The following RASSF7 variants were observed in gnomAD, a reference collection of about 807,000 sequenced individuals.
The protein encoded by RASSF7 is ras association domain-containing protein 7.
RASSF7 carries 41 observed loss-of-function variants against 33.8 expected under a neutral mutation model. That is an observed-to-expected ratio of 1.21 (90% CI 0.95 to 1.57). The LOEUF (loss-of-function observed/expected upper bound fraction) is 1.57, where lower values mean the gene tolerates loss of function less well. Ranked by LOEUF, RASSF7 falls within the 40% of genes most tolerant of loss-of-function variation. The pLI is 0.00. For missense variants in RASSF7, 622 were observed against 497.0 expected, an observed-to-expected ratio of 1.25 and a Z score of -2.39; for synonymous variants, 298 against 212.8, an observed-to-expected ratio of 1.40 and a Z score of -3.48.
chr11:563,355 C>T (rs767297754), intron 4 of RASSF7, 38 bp downstream of exon 4: 2 of 1,607,496 alleles, frequency 1.2e-6, no homozygotes, highest in Non-Finnish European at 1.7e-6. Flanking sequence ...GAGGTGAGGA[C>T]CTGGCCCAGC....
chr11:562,044 G>T, intron 2 of RASSF7, 35 bp from the exon 3 acceptor site: 1 of 1,503,122 alleles, frequency 6.7e-7, no homozygotes, highest in Non-Finnish European at 8.9e-7. Context: ...AGAGAGTCGG[G>T]GGGACATAGG....
rs1363650358 is a variant in RASSF7, at chr11:561,238, G to A, written c.-247G>A. 3.0e-6 allele frequency: 3 copies of A among 985,324 alleles called. No homozygotes were observed. Among genetic ancestry groups the A allele is most frequent in the Non-Finnish European group, 3.6e-6 (3 of 829,938 alleles). The allele number at this position is 985,324 out of a possible 1,614,324, so 61.0% of individuals were successfully genotyped here. The stretch of plus-strand genomic sequence containing the variant: ...CGCGGGCTTCGGTGCCCGCGGCGGG[G>A]ACCGGGACTTTCGGGGCGAGCGCAG... On this transcript the variant is annotated 5_prime_UTR_variant, in exon 1 of 6. Transcript: ENST00000397583.
chr11:561,676 G>A, intron 1 of RASSF7, 86 bp from the exon 2 acceptor site: 1 of 1,573,992 alleles, frequency 6.4e-7, no homozygotes, highest in Non-Finnish European at 8.6e-7. Flanking sequence ...GCCGTTTCTA[G>A]GGCAGGCCAA....
chr11:561,961 T>C, intron 2 of RASSF7, 69 bp downstream of exon 2: 1 of 1,599,608 alleles, frequency 6.3e-7, no homozygotes, highest in Non-Finnish European at 8.5e-7. Flanking sequence ...TCCAGCTCCA[T>C]GGTCTCCCCC....
In RASSF7 at chr11:563,777, T is replaced by A; in HGVS notation, c.*132T>A. 1 of 851,366 alleles carries A rather than the reference T, an allele frequency of 1.2e-6. No individual in the cohort carries two copies. The highest frequency in any genetic ancestry group is 1.8e-6 in the Non-Finnish European group (1 of 558,906). The allele number at this position is 851,366 out of a possible 1,614,324, so 52.7% of individuals were successfully genotyped here. A position where few individuals can be genotyped will look rare whatever the true frequency, so the allele number is the denominator to read the frequency against. On this transcript the variant is annotated 3_prime_UTR_variant, in exon 6 of 6. Transcript: ENST00000397583. Reference sequence around the variant, plus strand: ...AGGAGCTGGGGGTGCAGTGGGGGACTGCCCTAGTCCTTGCCAGGTCGCCAG... The same window carrying A: ...AGGAGCTGGGGGTGCAGTGGGGGACAGCCCTAGTCCTTGCCAGGTCGCCAG...
chr11:561,142 G>T lies in RASSF7; in HGVS notation c.-343G>T. ...TTCCGCGATGCCCGGACGGAGAGCG[G>T]GGGCGGCGCCGCACCTGCGCCCGCC... On this transcript the variant is annotated 5_prime_UTR_variant, in exon 1 of 6. Transcript: ENST00000397583. 1 of 984,988 alleles carries T rather than the reference G, an allele frequency of 1.0e-6. No homozygotes were observed. 61.0% of individuals were successfully genotyped at this position (984,988 alleles called of 1,614,324 possible). A position where few individuals can be genotyped will look rare whatever the true frequency, so the allele number is the denominator to read the frequency against.
chr11:562,041 CG>C (rs1401160363), intron 2 of RASSF7, 37 bp from the exon 3 acceptor site: 1 of 1,502,746 alleles, frequency 6.7e-7, no homozygotes, highest in Admixed American at 2.2e-5. Context: ...GACAGAGAGT[CG>C]GGGGGACATA....
Position 563,472 on chromosome 11 carries a change from C to A in RASSF7, c.1028C>A (p.Pro343His). The stretch of plus-strand genomic sequence containing the variant: ...TCCCATGCTGGTGCCCAGCCTAGGC[C>A]CCGAGGGTATGTCTGTGCCCCACCT... The part of the protein sequence containing the change: ...SESHAGAQPR[P>H]RGGPHDAELL... Residue 343 changes from proline (P) to histidine (H), a missense_variant, in exon 5 of 6, where the codon CCC (proline) becomes CAC (histidine). Coordinates refer to ENST00000397583, the MANE Select transcript of RASSF7 (RefSeq NM_003475.4). The A allele has an allele frequency of 6.2e-7, 1 of 1,610,620 alleles. No individual in the cohort carries two copies. Among genetic ancestry groups the A allele is most frequent in the Non-Finnish European group, 8.5e-7 (1 of 1,179,264 alleles).
chr11:562,017 C>T (rs1478555473), intron 2 of RASSF7, 62 bp from the exon 3 acceptor site: 56 of 1,517,760 alleles, frequency 3.7e-5, no homozygotes, highest in Non-Finnish European at 4.5e-5. Flanking sequence ...CTTCCCAACT[C>T]TTCAAGCCAG....
rs774013218 is a variant in RASSF7 at position 563,266 on chromosome 11, GGCTGC to G, written c.906_910del (p.Leu303ThrfsTer6). On this transcript the variant is annotated frameshift_variant, in exon 4 of 6. Coordinates refer to ENST00000397583, the MANE Select transcript of RASSF7 (RefSeq NM_003475.4). LOFTEE classifies it high-confidence loss of function. ...TGCAGCAGTTCATCCAGCAGACCGG[GGCTGC>G]GCTGCCACCGCCCCCACGGCCTGAC... The G allele has an allele frequency of 2.5e-6, 4 of 1,611,672 alleles. No individual in the cohort carries two copies. The Admixed American group carries it at 6.7e-5, about 27-fold the overall frequency.
At position 562,352 on chromosome 11, in the gene RASSF7, C is replaced by T. The variant is rs757505282; in HGVS notation, c.398C>T (p.Ala133Val). The change falls in exon 3 of 6, where the codon GCC becomes GTC. Residue 133 changes from alanine (A) to valine (V), a missense_variant. Ala to Val is a moderately conservative substitution (Grantham distance 64). Coordinates refer to ENST00000397583, the MANE Select transcript of RASSF7 (RefSeq NM_003475.4). ...CGCAAAACACTGACCCCCGAGCCAGCCCCCAGCCTCTCACGCCCTGGGCCT... is the reference window on the plus strand; with the variant it reads ...CGCAAAACACTGACCCCCGAGCCAGTCCCCAGCCTCTCACGCCCTGGGCCT... ...EPRKTLTPEP[A>V]PSLSRPGPAA... The T allele has an allele frequency of 8.1e-6, 13 of 1,602,960 alleles. No individual in the cohort carries two copies. The highest frequency in any genetic ancestry group is 1.1e-5 in the Non-Finnish European group (13 of 1,175,716).
In RASSF7 at chr11:562,304, G is replaced by A. The variant is rs781399750; in HGVS notation, c.350G>A (p.Arg117Gln). 2.0e-5 allele frequency: 32 copies of A among 1,612,000 alleles called. No homozygotes were observed. Among genetic ancestry groups the A allele is most frequent in the African/African-American group, 4.0e-5 (3 of 74,912 alleles). Residue 117 changes from arginine to glutamine, a missense_variant, in exon 3 of 6, where the codon CGG (arginine) becomes CAG (glutamine). Coordinates refer to ENST00000397583, the MANE Select transcript of RASSF7 (RefSeq NM_003475.4). Reference sequence around the variant, plus strand: ...CGTGCCAGCCTCCCTGTAAAGCCACGGGCTGCGCTGGGCTGTGAGCCCCGC... The same window carrying A: ...CGTGCCAGCCTCCCTGTAAAGCCACAGGCTGCGCTGGGCTGTGAGCCCCGC... ...LIRASLPVKP[R>Q]AALGCEPRKT...
Position 560,971 on chromosome 11 carries a change from C to T in RASSF7, c.-514C>T, listed in dbSNP as rs1381736060. Reference sequence around the variant, plus strand: ...GGGGGCGCGGGGCCCGGGTGCGCCGCGGCGCTGGGGGCGGCAGGTTGCGGC... The same window carrying T: ...GGGGGCGCGGGGCCCGGGTGCGCCGTGGCGCTGGGGGCGGCAGGTTGCGGC... On this transcript the variant is annotated 5_prime_UTR_variant, in exon 1 of 6. Coordinates refer to ENST00000397583, the MANE Select transcript of RASSF7 (RefSeq NM_003475.4). The T allele has an allele frequency of 8.1e-6, 9 of 1,106,274 alleles. No individual in the cohort carries two copies. The highest frequency in any genetic ancestry group is 9.9e-6 in the Non-Finnish European group (9 of 908,328). 68.5% of individuals were successfully genotyped at this position (1,106,274 alleles called of 1,614,324 possible). A position where few individuals can be genotyped will look rare whatever the true frequency, so the allele number is the denominator to read the frequency against.
chr11:561,869 T>G lies in RASSF7; in HGVS notation c.101T>G (p.Val34Gly). Residue 34 changes from valine to glycine, a missense_variant, in exon 2 of 6, where the codon GTC (valine) becomes GGC (glycine). Val to Gly is a moderately radical substitution (Grantham distance 109). Transcript: ENST00000397583. ...VSEQTTCQEV[V>G]IALAQAIGQT... ...GAGCAGACCACCTGCCAGGAAGTGG[T>G]CATCGCACTAGCCCAAGCAATAGGT... 2 of 1,613,456 alleles carry G rather than the reference T, an allele frequency of 1.2e-6. No homozygotes were observed. Among genetic ancestry groups the G allele is most frequent in the Non-Finnish European group, 1.7e-6 (2 of 1,179,968 alleles).
Position 562,408 on chromosome 11 carries a change from T to G in RASSF7, c.454T>G (p.Cys152Gly). The G allele has an allele frequency of 6.4e-7, 1 of 1,562,036 alleles. No homozygotes were observed. The highest frequency in any genetic ancestry group is 1.4e-5 in the African/African-American group (1 of 73,514). The change falls in exon 3 of 6, where the codon TGC (cysteine) becomes GGC (glycine). Residue 152 changes from cysteine to glycine, a missense_variant. Physicochemically the swap from Cys to Gly is radical, Grantham distance 159 (BLOSUM62 -3). Transcript: ENST00000397583. ...AAPVTPTPGC[C>G]TDLRGLELRV... ...CCCTGTGACACCCACACCAGGCTGCTGCACAGACCTGCGGGGCCTGGAGCT... is the reference window on the plus strand; with the variant it reads ...CCCTGTGACACCCACACCAGGCTGCGGCACAGACCTGCGGGGCCTGGAGCT...
Position 563,999 on chromosome 11 carries a change from C to T in RASSF7, c.*354C>T, listed in dbSNP as rs184654498. 16 of 358,554 alleles carry T rather than the reference C, an allele frequency of 4.5e-5. No individual in the cohort carries two copies. In the East Asian group the frequency reaches 7.9e-4, roughly 18 times the overall value. 22.2% of individuals were successfully genotyped at this position (358,554 alleles called of 1,614,324 possible). A position where few individuals can be genotyped will look rare whatever the true frequency, so the allele number is the denominator to read the frequency against. ...ACTTCCCCTACCCCAACGTGAAAAC[C>T]TCAATAAACTGCCCGAAGCAGCTTG... On this transcript the variant is annotated 3_prime_UTR_variant, in exon 6 of 6. Transcript: ENST00000397583.
chr11:561,024 G>T lies in RASSF7; in HGVS notation c.-461G>T, dbSNP rs1237695760. On this transcript the variant is annotated 5_prime_UTR_variant, in exon 1 of 6. Coordinates refer to ENST00000397583, the MANE Select transcript of RASSF7 (RefSeq NM_003475.4). ...CGCCGGAGCGGGTCTCCAGGCTGGC[G>T]AGCGCCCAGGTGAGCCGCGCCGGGT... The T allele has an allele frequency of 2.0e-6, 2 of 1,009,470 alleles. No individual in the cohort carries two copies. Among genetic ancestry groups the T allele is most frequent in the African/African-American group, 3.4e-5 (2 of 58,004 alleles). The allele number at this position is 1,009,470 out of a possible 1,614,324, so 62.5% of individuals were successfully genotyped here.
chr11:561,457 G>A lies in RASSF7; in HGVS notation c.-28G>A. 4.1e-6 allele frequency: 5 copies of A among 1,220,168 alleles called. No individual in the cohort carries two copies. The highest frequency in any genetic ancestry group is 5.2e-6 in the Non-Finnish European group (5 of 970,326). The allele number at this position is 1,220,168 out of a possible 1,614,324, so 75.6% of individuals were successfully genotyped here. ...GGCGCCTCCGCGCCGCCCGGGGAGGGGGCAGTGTCCTCCGAGCCAGGTGAG... is the reference window on the plus strand; with the variant it reads ...GGCGCCTCCGCGCCGCCCGGGGAGGAGGCAGTGTCCTCCGAGCCAGGTGAG... On this transcript the variant is annotated 5_prime_UTR_variant, in exon 1 of 6. Coordinates refer to ENST00000397583, the MANE Select transcript of RASSF7 (RefSeq NM_003475.4).
chr11:563,707 A>T lies in RASSF7; in HGVS notation c.*62A>T. On this transcript the variant is annotated 3_prime_UTR_variant, in exon 6 of 6. Coordinates refer to ENST00000397583, the MANE Select transcript of RASSF7 (RefSeq NM_003475.4). ...CCACAGAAGGAGAGTTGGCGGTCAC[A>T]GAGGGCTCCTCTGCCAGGCAGTGGG... 1 of 1,451,690 alleles carries T rather than the reference A, an allele frequency of 6.9e-7. No homozygotes were observed. Among genetic ancestry groups the T allele is most frequent in the Non-Finnish European group, 9.4e-7 (1 of 1,068,736 alleles). The allele number at this position is 1,451,690 out of a possible 1,614,324, so 89.9% of individuals were successfully genotyped here. A position where few individuals can be genotyped will look rare whatever the true frequency, so the allele number is the denominator to read the frequency against.
Sources: gnomAD v4.1 joint callset for allele counts on GRCh38, gnomAD v4.1.1 for gene constraint, MANE v1.5 for transcripts, NCBI Gene and HGNC (gene_info 2026-07-23, HGNC 2026-07-21) for gene names.